Variants in MTIF3 observed in about 807,000 individuals in gnomAD.
MTIF3 encodes the protein mitochondrial translational initiation factor 3.
MTIF3 carries 13 observed loss-of-function variants against 20.7 expected under a neutral mutation model. The observed-to-expected ratio is 0.63, with a 90% CI of 0.41 to 1.00. The LOEUF is 1.00. MTIF3 is among the 50% of genes least tolerant of loss of function. The probability of loss-of-function intolerance (pLI) is 0.00; values close to 1 mark genes in which losing one functional copy is unlikely to be tolerated. For synonymous variants in MTIF3, 114 were observed against 112.5 expected (o/e 1.01, Z -0.08); for missense variants, 295 against 324.5 (o/e 0.91, Z 0.70).
At chr13:27,449,006 C>A (rs1428951702) in intron 1 of MTIF3, among the ~76,000 whole-genome samples, 1 of 152,090 alleles carries the variant, frequency 6.6e-6, no homozygotes, top group Non-Finnish European at 1.5e-5. Flanking sequence ...GTGCACCGCA[C>A]TCCAGCCTAA....
intron 3 of MTIF3, among the ~76,000 whole-genome samples, chr13:27,439,435 G>T (rs1953913065): frequency 6.6e-6 from 1 of 152,234 alleles, no homozygotes; most frequent in Non-Finnish European, 1.5e-5. Flanking sequence ...GGCGAAGGTT[G>T]CAGTGAGCAC....
intron 1 of MTIF3, among the ~76,000 whole-genome samples, chr13:27,447,462 C>T (rs1480030777): frequency 6.6e-6 from 1 of 152,162 alleles, no homozygotes; most frequent in Non-Finnish European, 1.5e-5. Context: ...GCTGCACTCA[C>T]TCCCACAACT....
intron 1 of MTIF3, among the ~76,000 whole-genome samples, chr13:27,448,443 G>C (rs1192458398): frequency 1.3e-5 from 2 of 152,196 alleles, no homozygotes; most frequent in Non-Finnish European, 2.9e-5. Flanking sequence ...AACTGTCCCA[G>C]TTGCCCCATT....
intron 2 of MTIF3, among the ~76,000 whole-genome samples, chr13:27,442,333 A>G (rs907507883): frequency 1.3e-5 from 2 of 151,550 alleles, no homozygotes; most frequent in African/African-American, 4.9e-5. Context: ...CTATCATCCC[A>G]CTCCCAAACC....
chr13:27,438,494 T>G (rs796885309), intron 3 of MTIF3, among the ~76,000 whole-genome samples: 14 of 142,556 alleles, frequency 9.8e-5, no homozygotes, highest in East Asian at 2.0e-4. Context: ...TTTTTTTTTT[T>G]TTTTTTTTTT....
At position 27,440,380 on chromosome 13, in the gene MTIF3, A is replaced by C. The variant is rs1363698406; in HGVS notation, c.69T>G (p.Cys23Trp). The C allele has an allele frequency of 6.2e-7, 1 of 1,614,160 alleles. No individual in the cohort carries two copies. The stretch of plus-strand genomic sequence containing the variant: ...TCTTTTGCAGGATGTGTTTACCAAA[A>C]CATCTAATGCAACTATTTTCAGACT... Reference protein sequence around the residue: ...TVKSENSCIRCFGKHILQKTA... With the variant: ...TVKSENSCIRWFGKHILQKTA... Residue 23 changes from cysteine to tryptophan, a missense_variant, in exon 3 of 5, where the codon TGT (cysteine) becomes TGG (tryptophan). By Grantham distance (215) the Cys-to-Trp change is radical. Transcript: ENST00000381120.
chr13:27,442,298 T>C (rs907765106), intron 2 of MTIF3, among the ~76,000 whole-genome samples: 3 of 152,128 alleles, frequency 2.0e-5, no homozygotes, highest in African/African-American at 7.2e-5. Context: ...TCAACCAGTA[T>C]AACCACTTCT....
Position 27,437,250 on chromosome 13 carries a change from T to C in MTIF3, c.484A>G (p.Ile162Val), listed in dbSNP as rs774184981. The C allele has an allele frequency of 8.1e-6, 13 of 1,613,644 alleles. No individual in the cohort carries two copies. The South Asian group carries it at 1.2e-4, about 15-fold the overall frequency. The change falls in exon 4 of 5, where the codon ATT (isoleucine) becomes GTT (valine). Residue 162 changes from isoleucine to valine, a missense_variant. By Grantham distance (29) the Ile-to-Val change is conservative. Coordinates refer to ENST00000381120, the MANE Select transcript of MTIF3 (RefSeq NM_152912.5). Reference protein sequence around the residue: ...KTGPTLRKELILSSNIGQHDL... With the variant: ...KTGPTLRKELVLSSNIGQHDL... ...TGTTGTCCAATATTTGAAGACAAAA[T>C]CAGTTCCTTTCTCAGGGTTGGTCCT...
intron 1 of MTIF3, chr13:27,449,889 C>T (rs1954302550): frequency 6.6e-6 from 1 of 152,258 alleles, no homozygotes. Context: ...ACTTCGTTTA[C>T]TTGGTTCAAG....
chr13:27,438,509 T>TTTTTTAAA (rs1555259812), intron 3 of MTIF3, among the ~76,000 whole-genome samples: 2 of 123,610 alleles, frequency 1.6e-5, no homozygotes, highest in Non-Finnish European at 3.6e-5. Context: ...TTTTTTTTTT[T>TTTTTTAAA]AAACACAGGG....
chr13:27,443,398 T>A (rs1405673303), intron 2 of MTIF3, among the ~76,000 whole-genome samples: 1 of 152,200 alleles, frequency 6.6e-6, no homozygotes, highest in African/African-American at 2.4e-5. Flanking sequence ...AGCAGCAGCA[T>A]CCAGTCCCAA....
intron 2 of MTIF3, among the ~76,000 whole-genome samples, chr13:27,442,397 G>C (rs1014151384): frequency 2.0e-5 from 3 of 151,812 alleles, no homozygotes; most frequent in Admixed American, 6.6e-5. Flanking sequence ...ACAGCTTCCC[G>C]ACTGCTCTTC....
chr13:27,449,499 T>G (rs1437900542), intron 1 of MTIF3, among the ~76,000 whole-genome samples: 1 of 152,244 alleles, frequency 6.6e-6, no homozygotes, highest in Non-Finnish European at 1.5e-5. Flanking sequence ...ATTCGGTTTT[T>G]GAAATACAGT....
chr13:27,439,475 G>A (rs1318262534), intron 3 of MTIF3, among the ~76,000 whole-genome samples: 2 of 152,142 alleles, frequency 1.3e-5, no homozygotes, highest in African/African-American at 2.4e-5. Context: ...CAGCCTGGGC[G>A]GCAGGCAGAG....
chr13:27,440,930 G>A (rs529952577), intron 2 of MTIF3: 1 of 169,656 alleles, frequency 5.9e-6, no homozygotes, highest in African/African-American at 2.4e-5. Flanking sequence ...TATGCCATAT[G>A]TATTATATAC....
At chr13:27,436,953 A>T (rs758732865) in intron 4 of MTIF3, among the ~76,000 whole-genome samples, 163 bp downstream of exon 4, 1 of 151,778 alleles carries the variant, frequency 6.6e-6, no homozygotes, top group Non-Finnish European at 1.5e-5. Context: ...GGGTTTCACC[A>T]TGTTAGCCAG....
chr13:27,444,980 C>T (rs1261823025), intron 2 of MTIF3, 108 bp downstream of exon 2: 1 of 152,036 alleles, frequency 6.6e-6, no homozygotes. Context: ...ACTGAATATA[C>T]AAAAATCTAT....
intron 2 of MTIF3, among the ~76,000 whole-genome samples, chr13:27,441,851 C>A (rs144857150): frequency 1.3e-5 from 2 of 152,176 alleles, no homozygotes; most frequent in Non-Finnish European, 2.9e-5. Context: ...CTGGAAGTTC[C>A]CTCTGGTCCC....
intron 1 of MTIF3, chr13:27,450,042 C>G (rs1954309362): frequency 6.6e-6 from 1 of 152,338 alleles, no homozygotes; most frequent in South Asian, 2.1e-4. Context: ...AGGCGCCCTT[C>G]GCCTGGCTCG....
Sources: gnomAD v4.1 joint callset for allele counts (sites outside exome capture counted in the v4.1 genomes callset) on GRCh38, gnomAD v4.1.1 for gene constraint, MANE v1.5 for transcripts, NCBI Gene and HGNC (gene_info 2026-07-23, HGNC 2026-07-21) for gene names.